The following CADM1 variants were observed in gnomAD, a reference collection of about 807,000 sequenced individuals.
CADM1 encodes cell adhesion molecule 1.
A neutral mutation model predicts 53.1 loss-of-function variants in CADM1; 15 were observed. That is an observed-to-expected ratio of 0.28 (90% confidence interval 0.19 to 0.44). The LOEUF (loss-of-function observed/expected upper bound fraction) is 0.44. Among genes scored for constraint, CADM1 ranks in the 20% least tolerant of loss-of-function variants. The pLI is 1.00. For missense variants in CADM1, 434 were observed against 611.3 expected, an observed-to-expected ratio of 0.71 and a Z score of 3.06; for synonymous variants, 281 against 243.0, an observed-to-expected ratio of 1.16 and a Z score of -1.45.
chr11:115,433,108 G>A (rs1390273670), intron 1 of CADM1, among the ~76,000 whole-genome samples: 1 of 152,100 alleles, frequency 6.6e-6, no homozygotes, highest in East Asian at 1.9e-4. Flanking sequence ...TTTTGGTGGT[G>A]GGGGAAGACA....
intron 9 of CADM1, among the ~76,000 whole-genome samples, chr11:115,195,163 G>A (rs572894220): frequency 7.5e-4 from 114 of 152,284 alleles, no homozygotes; most frequent in African/African-American, 2.7e-3. Context: ...TTTACTATCA[G>A]TTAAATCCTT....
rs559832923 is a variant in CADM1, at chr11:115,431,773, C to A, written c.124+72498G>T. On this transcript the variant is annotated intron_variant, in intron 1 of 11. Coordinates refer to ENST00000331581, the MANE Select transcript of CADM1 (RefSeq NM_001301043.2). Reference sequence around the variant, plus strand: ...TATCTCAGCTCAATCTTCACTTCCTCCACGAAGCCCTCCCTGGCCTACCTG... The same window carrying A: ...TATCTCAGCTCAATCTTCACTTCCTACACGAAGCCCTCCCTGGCCTACCTG... Among the ~76,000 whole-genome samples the A allele has an allele frequency of 8.5e-5, 13 of 152,076 alleles. 1 individual carries two copies. In the South Asian group the frequency reaches 2.7e-3, roughly 32 times the overall value.
At chr11:115,231,215 TTTAG>T (rs1262663798) in intron 4 of CADM1, 134 bp downstream of exon 4, 1 of 972,162 alleles carries the variant, frequency 1.0e-6, no homozygotes, top group Admixed American at 1.8e-5. Flanking sequence ...CTCAGACATA[TTTAG>T]TAACTGATTA....
chr11:115,208,687 G>A (rs1271365009), intron 8 of CADM1, among the ~76,000 whole-genome samples: 4 of 152,128 alleles, frequency 2.6e-5, no homozygotes, highest in African/African-American at 9.7e-5. Flanking sequence ...TTAAGTCCCT[G>A]TAAACACAGG....
At chr11:115,435,750 A>G (rs1337246375) in intron 1 of CADM1, among the ~76,000 whole-genome samples, 5 of 152,052 alleles carry the variant, frequency 3.3e-5, no homozygotes, top group Non-Finnish European at 7.3e-5. Context: ...ATAAAATAAA[A>G]TAAGTTGTAC....
At chr11:115,321,118 A>G (rs907325538) in intron 1 of CADM1, among the ~76,000 whole-genome samples, 2 of 152,204 alleles carry the variant, frequency 1.3e-5, no homozygotes, top group African/African-American at 4.8e-5. Flanking sequence ...ATATTGTGCA[A>G]TTGTAAGTTT....
chr11:115,446,376 T>A (rs1357359109), intron 1 of CADM1, among the ~76,000 whole-genome samples: 2 of 152,182 alleles, frequency 1.3e-5, no homozygotes, highest in Non-Finnish European at 2.9e-5. Flanking sequence ...CACTAGCACA[T>A]CACACTGCCT....
chr11:115,389,975 T>C (rs1162974905), intron 1 of CADM1, among the ~76,000 whole-genome samples: 2 of 152,162 alleles, frequency 1.3e-5, no homozygotes, highest in African/African-American at 4.8e-5. Flanking sequence ...AGATGGGAAC[T>C]AAAACAGAGA....
chr11:115,437,300 CT>C (rs1372016381), intron 1 of CADM1, among the ~76,000 whole-genome samples: 2 of 152,086 alleles, frequency 1.3e-5, no homozygotes, highest in Non-Finnish European at 2.9e-5. Context: ...AAAGGAAAGG[CT>C]TTTTCTTTTC....
intron 1 of CADM1, among the ~76,000 whole-genome samples, chr11:115,265,906 T>C (rs971818010): frequency 2.0e-5 from 3 of 152,174 alleles, no homozygotes; most frequent in African/African-American, 7.2e-5. Context: ...AGGAGGACAG[T>C]AGTCCCCAGT....
intron 1 of CADM1, among the ~76,000 whole-genome samples, chr11:115,391,020 T>C (rs140295595): frequency 3.9e-5 from 6 of 152,342 alleles, no homozygotes; most frequent in African/African-American, 1.4e-4. Flanking sequence ...TGACTGCCGA[T>C]AGCAAAGCAA....
intron 5 of CADM1, among the ~76,000 whole-genome samples, chr11:115,225,844 A>G (rs1395313788): frequency 6.6e-6 from 1 of 152,158 alleles, no homozygotes; most frequent in Non-Finnish European, 1.5e-5. Context: ...GTAGAATTCA[A>G]ATCCATGATC....
chr11:115,174,740 T>C lies in CADM1; in HGVS notation c.*1734A>G. 8.0e-6 allele frequency: 7 copies of C among 874,964 alleles called. No individual in the cohort carries two copies. Among genetic ancestry groups the C allele is most frequent in the Non-Finnish European group, 9.6e-6 (7 of 729,432 alleles). The allele number at this position is 874,964 out of a possible 1,614,324, so 54.2% of individuals were successfully genotyped here. ...ATTACTCACTGAAAATGTAATAGAA[T>C]ATATATTTATATATATATATAGATC... On this transcript the variant is annotated 3_prime_UTR_variant, in exon 12 of 12. Transcript: ENST00000331581.
intron 1 of CADM1, among the ~76,000 whole-genome samples, chr11:115,409,265 A>ATAACACCTCTCTACATAACAC (rs1396201531): frequency 2.0e-5 from 3 of 152,204 alleles, no homozygotes; most frequent in Non-Finnish European, 4.4e-5. Flanking sequence ...AAGACATCAC[A>ATAACACCTCTCTACATAACAC]ACACCTCTCT....
At chr11:115,256,854 C>A (rs895505697) in intron 1 of CADM1, 1 of 456,084 alleles carries the variant, frequency 2.2e-6, no homozygotes. Flanking sequence ...CAGATGCCTT[C>A]ATTGCAATGG....
At chr11:115,453,737 G>T (rs1233599779) in intron 1 of CADM1, among the ~76,000 whole-genome samples, 1 of 152,096 alleles carries the variant, frequency 6.6e-6, no homozygotes, top group Non-Finnish European at 1.5e-5. Flanking sequence ...GAGCTCAAGT[G>T]ATCTGCCCAC....
chr11:115,425,501 G>T (rs142298163), intron 1 of CADM1, among the ~76,000 whole-genome samples: 1 of 152,178 alleles, frequency 6.6e-6, no homozygotes, highest in Non-Finnish European at 1.5e-5. Context: ...TAACCGCATC[G>T]TAACGAGACA....
chr11:115,207,694 C>A (rs1398954733), intron 8 of CADM1, among the ~76,000 whole-genome samples: 2 of 152,172 alleles, frequency 1.3e-5, no homozygotes, highest in African/African-American at 2.4e-5. Flanking sequence ...AAGGTCTCGA[C>A]TGCCTTAAAA....
At position 115,234,762 on chromosome 11, in the gene CADM1, G is replaced by A. The variant is rs532705019; in HGVS notation, c.425-3272C>T. 7.9e-5 allele frequency among the ~76,000 whole-genome samples: 12 copies of A among 151,952 alleles called. No individual in the cohort carries two copies. In the South Asian group the frequency reaches 1.0e-3, roughly 13 times the overall value. ...ACAAAAATTAGCCAGGTGAGGTGGC[G>A]GGCACTTGTAGTTCCAGCTACTCAG... On this transcript the variant is annotated intron_variant, in intron 3 of 11. Coordinates refer to ENST00000331581, the MANE Select transcript of CADM1 (RefSeq NM_001301043.2).
Sources: gnomAD v4.1 joint callset for allele counts (sites outside exome capture counted in the v4.1 genomes callset) on GRCh38, gnomAD v4.1.1 for gene constraint, MANE v1.5 for transcripts, NCBI Gene and HGNC (gene_info 2026-07-23, HGNC 2026-07-21) for gene names.